GPR157: variants seen among roughly 807,000 people sequenced by gnomAD.
GPR157 encodes G protein-coupled receptor 157, also known as G-protein coupled receptor 157.
A neutral mutation model predicts 23.5 loss-of-function variants in GPR157; 16 were observed. That is an observed-to-expected ratio of 0.68 (90% CI 0.46 to 1.04). The LOEUF is 1.04. Ranked by LOEUF, GPR157 falls within the 50% of genes least tolerant of loss-of-function variation. The pLI is 0.00. For missense variants in GPR157, 440 were observed against 460.7 expected, an observed-to-expected ratio of 0.96 and a Z score of 0.41; for synonymous variants, 200 against 221.5, an observed-to-expected ratio of 0.90 and a Z score of 0.86.
At chr1:9,114,428 G>A (rs115474570) in intron 1 of GPR157, among the ~76,000 whole-genome samples, 41 of 151,616 alleles carry the variant, frequency 2.7e-4, no homozygotes, top group African/African-American at 9.4e-4. Flanking sequence ...GCAGGATTCC[G>A]CTAAGGAATT....
chr1:9,104,315 T>TCTGGTGCAGCAGACATGCA lies in GPR157; in HGVS notation c.*85_*103dup, dbSNP rs1405605290. 9.8e-6 allele frequency: 8 copies of TCTGGTGCAGCAGACATGCA among 815,218 alleles called. No individual in the cohort carries two copies. Among genetic ancestry groups the TCTGGTGCAGCAGACATGCA allele is most frequent in the Non-Finnish European group, 1.4e-5 (7 of 502,016 alleles). The allele number at this position is 815,218 out of a possible 1,614,324, so 50.5% of individuals were successfully genotyped here. A position where few individuals can be genotyped will look rare whatever the true frequency, so the allele number is the denominator to read the frequency against. ...GCCGAGAGCATCAATAGCGGGGGCT[T>TCTGGTGCAGCAGACATGCA]CTGGTGCAGCAGACATGCACTTCTG... On this transcript the variant is annotated 3_prime_UTR_variant, in exon 4 of 4. Transcript: ENST00000377411.
intron 1 of GPR157, among the ~76,000 whole-genome samples, chr1:9,114,820 C>T (rs1243529607): frequency 6.7e-6 from 1 of 149,288 alleles, no homozygotes; most frequent in Non-Finnish European, 1.5e-5. Flanking sequence ...ACTCAGGAGG[C>T]TGAGGCAGGA....
chr1:9,117,849 T>C (rs993695023), intron 1 of GPR157, among the ~76,000 whole-genome samples: 4 of 152,034 alleles, frequency 2.6e-5, no homozygotes, highest in Non-Finnish European at 5.9e-5. Flanking sequence ...CTAACAGTTT[T>C]TCCCCCCTTC....
chr1:9,123,760 TTA>T (rs576984146), intron 1 of GPR157, among the ~76,000 whole-genome samples: 5 of 125,662 alleles, frequency 4.0e-5, no homozygotes, highest in African/African-American at 1.2e-4. Context: ...ATATTTAATA[TTA>T]TATATATTTA....
chr1:9,110,966 A>G (rs1013037627), intron 2 of GPR157, among the ~76,000 whole-genome samples: 1 of 152,214 alleles, frequency 6.6e-6, no homozygotes, highest in Non-Finnish European at 1.5e-5. Flanking sequence ...GACCAAGGAC[A>G]CAGCAGCCCT....
Position 9,105,761 on chromosome 1 carries a change from G to A in GPR157, c.598-81C>T. ...CACCCAGGCTGCCCAGGTCTTCCCAGGGACTTGAACTAGCTCAGGGAGGTA... is the reference window on the plus strand; with the variant it reads ...CACCCAGGCTGCCCAGGTCTTCCCAAGGACTTGAACTAGCTCAGGGAGGTA... On this transcript the variant is annotated intron_variant, in intron 2 of 3. Coordinates refer to ENST00000377411, the MANE Select transcript of GPR157 (RefSeq NM_024980.5). This position sits in a 1 kb window ranked among gnomAD's most constrained non-coding sequence, Gnocchi z 4.8. 6.4e-6 allele frequency: 8 copies of A among 1,256,886 alleles called. No homozygotes were observed. Among genetic ancestry groups the A allele is most frequent in the Non-Finnish European group, 8.9e-6 (8 of 898,188 alleles). 77.9% of individuals were successfully genotyped at this position (1,256,886 alleles called of 1,614,324 possible).
chr1:9,104,776 G>A (rs866611790), intron 3 of GPR157, 142 bp from the exon 4 acceptor site: 17 of 617,248 alleles, frequency 2.8e-5, no homozygotes, highest in East Asian at 1.1e-4. Context: ...TGAGGTGGGC[G>A]GATCACTTGA....
rs1019735085 is a variant in GPR157 at position 9,100,472 on chromosome 1, T to C, written c.*3947A>G. 9 of 152,186 alleles carry C rather than the reference T, an allele frequency of 5.9e-5. No homozygotes were observed. Among genetic ancestry groups the C allele is most frequent in the African/African-American group, 2.2e-4 (9 of 41,450 alleles). 9.4% of individuals were successfully genotyped at this position (152,186 alleles called of 1,614,324 possible). A position where few individuals can be genotyped will look rare whatever the true frequency, so the allele number is the denominator to read the frequency against. ...TGTCGTGGACACGTGAAGAGTTCTGTTTGCACCCTCAGCCTGGGCCAAATA... is the reference window on the plus strand; with the variant it reads ...TGTCGTGGACACGTGAAGAGTTCTGCTTGCACCCTCAGCCTGGGCCAAATA... On this transcript the variant is annotated 3_prime_UTR_variant, in exon 4 of 4. Coordinates refer to ENST00000377411, the MANE Select transcript of GPR157 (RefSeq NM_024980.5).
intron 1 of GPR157, among the ~76,000 whole-genome samples, chr1:9,113,337 C>G (rs1199257870): frequency 1.3e-5 from 2 of 152,214 alleles, no homozygotes; most frequent in Admixed American, 6.5e-5. Context: ...CAACATGAAT[C>G]TGAGGCCAGA....
At chr1:9,108,184 G>A (rs1410771596) in intron 2 of GPR157, among the ~76,000 whole-genome samples, 1 of 152,182 alleles carries the variant, frequency 6.6e-6, no homozygotes, top group Non-Finnish European at 1.5e-5. Flanking sequence ...AGCACCTGGT[G>A]TCTTGTGGAG....
Position 9,104,154 on chromosome 1 carries a change from G to T in GPR157, c.*265C>A. Reference sequence around the variant, plus strand: ...ACTGTGGCCACAGCTGTGGGCCACCGGCTTCCCGAATCTCACTGCTACCCT... The same window carrying T: ...ACTGTGGCCACAGCTGTGGGCCACCTGCTTCCCGAATCTCACTGCTACCCT... On this transcript the variant is annotated 3_prime_UTR_variant, in exon 4 of 4. Transcript: ENST00000377411. 1 of 461,426 alleles carries T rather than the reference G, an allele frequency of 2.2e-6. No homozygotes were observed. Among genetic ancestry groups the T allele is most frequent in the Non-Finnish European group, 4.0e-6 (1 of 251,498 alleles). 28.6% of individuals were successfully genotyped at this position (461,426 alleles called of 1,614,324 possible). A position where few individuals can be genotyped will look rare whatever the true frequency, so the allele number is the denominator to read the frequency against.
intron 1 of GPR157, among the ~76,000 whole-genome samples, chr1:9,124,063 C>T (rs1638914660): frequency 6.6e-6 from 1 of 151,990 alleles, no homozygotes; most frequent in Non-Finnish European, 1.5e-5. Context: ...CTCCTGGGCT[C>T]AAGTAATCCA....
Position 9,129,100 on chromosome 1 carries a change from T to C in GPR157, c.-73A>G. The C allele has an allele frequency of 8.4e-7, 1 of 1,192,828 alleles. No homozygotes were observed. Among genetic ancestry groups the C allele is most frequent in the Non-Finnish European group, 1.0e-6 (1 of 964,096 alleles). The allele number at this position is 1,192,828 out of a possible 1,614,324, so 73.9% of individuals were successfully genotyped here. A position where few individuals can be genotyped will look rare whatever the true frequency, so the allele number is the denominator to read the frequency against. On this transcript the variant is annotated 5_prime_UTR_variant, in exon 1 of 4. Coordinates refer to ENST00000377411, the MANE Select transcript of GPR157 (RefSeq NM_024980.5). ...CGCGCGTGCGGCCACGCCGCCGCCGTCTGGGCACCGAGGCGCCCTAGGCTC... is the reference window on the plus strand; with the variant it reads ...CGCGCGTGCGGCCACGCCGCCGCCGCCTGGGCACCGAGGCGCCCTAGGCTC...
chr1:9,102,783 C>T lies in GPR157; in HGVS notation c.*1636G>A, dbSNP rs551909613. The T allele has an allele frequency of 6.6e-6, 1 of 152,144 alleles. No homozygotes were observed. The highest frequency in any genetic ancestry group is 1.9e-4 in the East Asian group (1 of 5,200). 9.4% of individuals were successfully genotyped at this position (152,144 alleles called of 1,614,324 possible). On this transcript the variant is annotated 3_prime_UTR_variant, in exon 4 of 4. Coordinates refer to ENST00000377411, the MANE Select transcript of GPR157 (RefSeq NM_024980.5). ...ATAAGACGAAAGCGTTTGTGGAAGA[C>T]CCACAGAATAAAAATAGAGATACAG...
chr1:9,111,576 T>G (rs1342916643), intron 1 of GPR157, 87 bp from the exon 2 acceptor site: 1 of 1,042,994 alleles, frequency 9.6e-7, no homozygotes, highest in Non-Finnish European at 1.4e-6. Context: ...GAGGACGCCC[T>G]TCAGAAAGGG....
chr1:9,124,399 T>C (rs1016695308), intron 1 of GPR157, among the ~76,000 whole-genome samples: 2 of 152,192 alleles, frequency 1.3e-5, no homozygotes, highest in Non-Finnish European at 1.5e-5. Context: ...GCGCGTGATG[T>C]GCTTCCCCCT....
chr1:9,117,629 G>T (rs1485429177), intron 1 of GPR157, among the ~76,000 whole-genome samples: 2 of 152,160 alleles, frequency 1.3e-5, no homozygotes, highest in Non-Finnish European at 2.9e-5. Context: ...GGACGTGGTG[G>T]TGGGCACCTG....
intron 1 of GPR157, among the ~76,000 whole-genome samples, chr1:9,111,753 G>A (rs56150649): frequency 0.17 from 26,121 of 152,080 alleles, 2,840 homozygotes; most frequent in Admixed American, 0.25. Context: ...TTGCATACAT[G>A]TGTGTACAGA....
chr1:9,124,509 G>A (rs533935428), intron 1 of GPR157, among the ~76,000 whole-genome samples: 133 of 152,258 alleles, frequency 8.7e-4, no homozygotes, highest in African/African-American at 3.1e-3. Flanking sequence ...AATGGAATGC[G>A]ACCCTTGTGG....
Sources: allele counts gnomAD v4.1 joint callset (sites outside exome capture counted in the v4.1 genomes callset), GRCh38; gene constraint gnomAD v4.1.1; non-coding constraint Gnocchi (gnomAD v3.1); transcripts MANE v1.5; gene names NCBI Gene and HGNC (gene_info 2026-07-23, HGNC 2026-07-21).